OPCML: variants seen among roughly 807,000 people sequenced by gnomAD.
The protein encoded by OPCML is opioid-binding protein/cell adhesion molecule.
OPCML carries 13 observed loss-of-function variants against 37.8 expected under a neutral mutation model. The observed-to-expected ratio is 0.34, with a 90% CI of 0.22 to 0.55. OPCML has a LOEUF of 0.55. OPCML is among the 20% of genes least tolerant of loss of function. The pLI is 0.91. For synonymous variants in OPCML, 176 were observed against 168.8 expected (o/e 1.04, Z -0.33); for missense variants, 341 against 435.6 (o/e 0.78, Z 1.93).
intron 1 of OPCML, among the ~76,000 whole-genome samples, chr11:133,228,590 C>A (rs978825527): frequency 1.3e-5 from 2 of 152,256 alleles, no homozygotes; most frequent in Non-Finnish European, 2.9e-5. Flanking sequence ...ACGCTGCGCC[C>A]TGCCGGGCCT....
intron 2 of OPCML, among the ~76,000 whole-genome samples, chr11:132,720,106 T>G (rs1483613696): frequency 6.6e-6 from 1 of 152,170 alleles, no homozygotes; most frequent in Non-Finnish European, 1.5e-5. Context: ...AACAAATAAA[T>G]GAATGAGCCC....
intron 4 of OPCML, among the ~76,000 whole-genome samples, chr11:132,447,800 C>G (rs551629283): frequency 9.8e-5 from 15 of 152,372 alleles, no homozygotes; most frequent in Admixed American, 2.6e-4. Flanking sequence ...GAGGCAGTGG[C>G]TTAGGACCAA....
chr11:133,089,106 G>C (rs1209210499), intron 1 of OPCML, among the ~76,000 whole-genome samples: 1 of 152,148 alleles, frequency 6.6e-6, no homozygotes, highest in Non-Finnish European at 1.5e-5. Context: ...AAATTTTGAA[G>C]GGCAAGTGCC....
chr11:133,242,785 C>A (rs953538089), intron 1 of OPCML, among the ~76,000 whole-genome samples: 6 of 152,204 alleles, frequency 3.9e-5, no homozygotes, highest in African/African-American at 1.4e-4. Context: ...CTCTGCATAA[C>A]TGCTCTGTGC....
chr11:133,497,424 A>G (rs1270502243), intron 1 of OPCML, among the ~76,000 whole-genome samples: 2 of 151,792 alleles, frequency 1.3e-5, no homozygotes, highest in Admixed American at 6.6e-5. Flanking sequence ...TTCTTGCTTC[A>G]TTTTTTGGAT....
intron 1 of OPCML, among the ~76,000 whole-genome samples, chr11:132,992,431 T>G (rs949250529): frequency 6.6e-6 from 1 of 152,212 alleles, no homozygotes; most frequent in Non-Finnish European, 1.5e-5. Context: ...TTGACCACAT[T>G]TCATTATCTC....
At chr11:132,716,408 G>GTCTA (rs1391833805) in intron 2 of OPCML, among the ~76,000 whole-genome samples, 120 of 41,740 alleles carry the variant, frequency 2.9e-3, no homozygotes, top group African/African-American at 0.011. Context: ...CTATCTATCT[G>GTCTA]TCTGTCTATC....
intron 1 of OPCML, chr11:133,066,909 C>A (rs894377340): frequency 6.6e-6 from 1 of 152,136 alleles, no homozygotes; most frequent in Non-Finnish European, 1.5e-5. Flanking sequence ...GAACTCCTGA[C>A]CTCAGATGAT....
chr11:133,258,541 T>G (rs778054610), intron 1 of OPCML, among the ~76,000 whole-genome samples: 11 of 152,150 alleles, frequency 7.2e-5, no homozygotes, highest in Non-Finnish European at 1.5e-4. Flanking sequence ...GTTATGATGA[T>G]TGAGCTTCTA....
chr11:132,430,066 G>A (rs1426929399), intron 7 of OPCML, among the ~76,000 whole-genome samples: 1 of 152,200 alleles, frequency 6.6e-6, no homozygotes, highest in Non-Finnish European at 1.5e-5. Context: ...ACAGATCGTG[G>A]TAGCTGAGGC....
intron 1 of OPCML, among the ~76,000 whole-genome samples, chr11:133,134,515 T>C (rs1366050816): frequency 1.3e-5 from 2 of 151,598 alleles, no homozygotes; most frequent in Non-Finnish European, 3.0e-5. Context: ...TGCTCTTGTT[T>C]CCAGGGCAGT....
intron 1 of OPCML, among the ~76,000 whole-genome samples, chr11:133,481,836 A>G (rs956532740): frequency 6.6e-6 from 1 of 152,244 alleles, no homozygotes; most frequent in African/African-American, 2.4e-5. Context: ...ATGGAGGAGT[A>G]CAGGAAGGAG....
chr11:132,901,106 G>A (rs1333732105), intron 2 of OPCML, among the ~76,000 whole-genome samples: 1 of 152,014 alleles, frequency 6.6e-6, no homozygotes, highest in Non-Finnish European at 1.5e-5. Context: ...CTTGAACCCG[G>A]GAGGCGGAGG....
intron 2 of OPCML, among the ~76,000 whole-genome samples, chr11:132,872,272 G>C (rs1023511014): frequency 2.0e-5 from 3 of 152,124 alleles, no homozygotes; most frequent in Non-Finnish European, 4.4e-5. Flanking sequence ...TTAAGGCTTT[G>C]TTTTTTTCTA....
intron 1 of OPCML, among the ~76,000 whole-genome samples, chr11:133,070,598 C>T (rs1948515732): frequency 6.6e-6 from 1 of 152,174 alleles, no homozygotes; most frequent in Non-Finnish European, 1.5e-5. Flanking sequence ...AACGGTGTGG[C>T]TAATTCCAAA....
At chr11:132,961,248 G>T (rs74451307) in intron 1 of OPCML, among the ~76,000 whole-genome samples, 10 of 152,264 alleles carry the variant, frequency 6.6e-5, no homozygotes, top group African/African-American at 2.4e-4. Context: ...TTTGAAACAC[G>T]ATGTTTCTAA....
At chr11:133,192,381 T>A (rs1592089887) in intron 1 of OPCML, among the ~76,000 whole-genome samples, 1 of 152,212 alleles carries the variant, frequency 6.6e-6, no homozygotes, top group Admixed American at 6.5e-5. Flanking sequence ...TCTATCCAGG[T>A]CTGGAAGAGA....
intron 1 of OPCML, among the ~76,000 whole-genome samples, chr11:133,378,097 C>G (rs1299176464): frequency 6.6e-6 from 1 of 152,218 alleles, no homozygotes; most frequent in Non-Finnish European, 1.5e-5. Context: ...TTTTATGCGT[C>G]AGGCGTTTAG....
chr11:132,447,350 G>A (rs2096058088), intron 4 of OPCML, among the ~76,000 whole-genome samples: 1 of 152,192 alleles, frequency 6.6e-6, no homozygotes. Flanking sequence ...CCAGACAGGA[G>A]TGCAGTGGCG....
Sources: gnomAD v4.1 joint callset for allele counts (sites outside exome capture counted in the v4.1 genomes callset) on GRCh38, gnomAD v4.1.1 for gene constraint, MANE v1.5 for transcripts, NCBI Gene and HGNC (gene_info 2026-07-23, HGNC 2026-07-21) for gene names.